SHANK2: variants seen among roughly 807,000 people sequenced by gnomAD.
The protein encoded by SHANK2 is SH3 and multiple ankyrin repeat domains protein 2.
Under a neutral mutation model 133.7 loss-of-function variants are expected in SHANK2, and 43 were observed. That is an observed-to-expected ratio of 0.32 (90% CI 0.25 to 0.41). The LOEUF (loss-of-function observed/expected upper bound fraction) is 0.41, where lower values mean the gene tolerates loss of function less well. SHANK2 is among the 10% of genes least tolerant of loss of function. The pLI, the probability that SHANK2 is intolerant of heterozygous loss-of-function variation, is 1.00. For missense variants in SHANK2, 1,994 were observed against 2,235.8 expected, an observed-to-expected ratio of 0.89 and a Z score of 2.18; for synonymous variants, 1,017 against 952.8, an observed-to-expected ratio of 1.07 and a Z score of -1.24.
At chr11:70,549,636 G>A (rs1554977347) in intron 17 of SHANK2, among the ~76,000 whole-genome samples, 1 of 152,178 alleles carries the variant, frequency 6.6e-6, no homozygotes, top group African/African-American at 2.4e-5. Context: ...CCCGGCCAGG[G>A]ACTGGGGAGC....
intron 12 of SHANK2, among the ~76,000 whole-genome samples, chr11:70,813,595 C>T (rs12271718): frequency 0.094 from 14,276 of 151,954 alleles, 860 homozygotes; most frequent in South Asian, 0.27. Context: ...TTACGGCTCA[C>T]GCAGAAGATG....
chr11:71,069,611 C>G (rs1412063490), intron 9 of SHANK2, among the ~76,000 whole-genome samples: 1 of 152,222 alleles, frequency 6.6e-6, no homozygotes, highest in Non-Finnish European at 1.5e-5. Context: ...TTTTTAGCCT[C>G]TTAGCAACCC....
intron 1 of SHANK2, among the ~76,000 whole-genome samples, chr11:71,232,843 G>A (rs1555123158): frequency 1.3e-5 from 2 of 152,176 alleles, no homozygotes; most frequent in African/African-American, 2.4e-5. Context: ...ACTTTTGACT[G>A]TGTGGGAGTT....
intron 15 of SHANK2, among the ~76,000 whole-genome samples, chr11:70,686,031 C>T (rs1252473083): frequency 7.5e-6 from 1 of 133,118 alleles, no homozygotes; most frequent in Non-Finnish European, 1.6e-5. Context: ...AGCCATGCCC[C>T]CACCCACCCA....
At chr11:70,670,240 G>C (rs1944770628) in intron 15 of SHANK2, among the ~76,000 whole-genome samples, 1 of 152,234 alleles carries the variant, frequency 6.6e-6, no homozygotes, top group Admixed American at 6.5e-5. Flanking sequence ...TTCAGTGGCA[G>C]GGCCTGGTGA....
chr11:70,927,945 C>T (rs782353319), intron 10 of SHANK2, among the ~76,000 whole-genome samples: 8 of 152,298 alleles, frequency 5.3e-5, no homozygotes, highest in Admixed American at 1.3e-4. Context: ...CTGGCATTTA[C>T]ACCACCAGCT....
chr11:70,737,942 C>T (rs1555033936), intron 14 of SHANK2, among the ~76,000 whole-genome samples: 1 of 152,246 alleles, frequency 6.6e-6, no homozygotes, highest in Non-Finnish European at 1.5e-5. Context: ...AGGTGCCCTA[C>T]GGTGAGCCGC....
intron 17 of SHANK2, among the ~76,000 whole-genome samples, chr11:70,539,514 G>GCCACGCTCACTCGCCACGCTCA (rs2059588714): frequency 1.3e-5 from 2 of 150,820 alleles, no homozygotes; most frequent in Non-Finnish European, 3.0e-5. Flanking sequence ...ACGCTCACTC[G>GCCACGCTCACTCGCCACGCTCA]CCACGCTCAC....
At chr11:70,576,667 C>A (rs531567049) in intron 17 of SHANK2, among the ~76,000 whole-genome samples, 4 of 152,104 alleles carry the variant, frequency 2.6e-5, no homozygotes, top group Admixed American at 2.6e-4. Context: ...AAAAACCCCA[C>A]ACTCCCAGGC....
Position 71,110,120 on chromosome 11 carries a change from C to T in SHANK2, c.484-71G>A, listed in dbSNP as rs570013374. On this transcript the variant is annotated intron_variant, in intron 5 of 25. Coordinates refer to ENST00000601538, the MANE Select transcript of SHANK2 (RefSeq NM_012309.5). ...CCCAACCTGAGCAACAAAGTGAGAC[C>T]CCGTCTCTACAAAAAATAGAAAAAT... The T allele has an allele frequency of 6.1e-6, 7 of 1,142,524 alleles. No homozygotes were observed. The African/African-American group carries it at 1.1e-4, about 18-fold the overall frequency. The allele number at this position is 1,142,524 out of a possible 1,614,324, so 70.8% of individuals were successfully genotyped here.
chr11:70,681,219 C>G (rs1339965410), intron 15 of SHANK2, among the ~76,000 whole-genome samples: 1 of 152,166 alleles, frequency 6.6e-6, no homozygotes, highest in African/African-American at 2.4e-5. Context: ...TGCTGCTCAG[C>G]GTGGGGTCCC....
chr11:71,238,427 T>G (rs1954849754), intron 1 of SHANK2, among the ~76,000 whole-genome samples: 1 of 152,194 alleles, frequency 6.6e-6, no homozygotes, highest in African/African-American at 2.4e-5. Context: ...GATATGTTAG[T>G]ACCCTCATTT....
chr11:70,856,909 C>T (rs1949180633), intron 11 of SHANK2, among the ~76,000 whole-genome samples: 3 of 152,218 alleles, frequency 2.0e-5, no homozygotes, highest in Admixed American at 2.0e-4. Context: ...TCTGGATACA[C>T]ACCAGATGGA....
intron 10 of SHANK2, among the ~76,000 whole-genome samples, chr11:70,898,039 T>G (rs1405108011): frequency 2.6e-5 from 4 of 151,240 alleles, no homozygotes; most frequent in Non-Finnish European, 4.4e-5. Flanking sequence ...CTTGGCTCAC[T>G]GCAATCTCTG....
At chr11:70,941,105 T>C (rs1353433132) in intron 10 of SHANK2, among the ~76,000 whole-genome samples, 1 of 152,196 alleles carries the variant, frequency 6.6e-6, no homozygotes, top group African/African-American at 2.4e-5. Context: ...CTCATAAGCT[T>C]GTCGGTAAAA....
intron 17 of SHANK2, among the ~76,000 whole-genome samples, chr11:70,600,387 C>A (rs1414184234): frequency 2.9e-5 from 4 of 135,952 alleles, no homozygotes; most frequent in Non-Finnish European, 6.1e-5. Flanking sequence ...CCACTGCACT[C>A]CAGCCTGGGT....
intron 11 of SHANK2, among the ~76,000 whole-genome samples, chr11:70,829,575 C>G (rs1404318461): frequency 5.3e-5 from 8 of 152,156 alleles, no homozygotes; most frequent in African/African-American, 1.9e-4. Flanking sequence ...CCAGCCAGAT[C>G]TGAAGACCCA....
At chr11:70,499,896 C>T (rs538307990) in intron 21 of SHANK2, among the ~76,000 whole-genome samples, 152 of 152,358 alleles carry the variant, frequency 1.0e-3, no homozygotes, top group Middle Eastern at 6.8e-3. Flanking sequence ...CTCCTCCCAA[C>T]TCCAAGGGAT....
At chr11:70,744,112 C>T (rs1282547035) in intron 14 of SHANK2, among the ~76,000 whole-genome samples, 4 of 152,238 alleles carry the variant, frequency 2.6e-5, no homozygotes, top group East Asian at 3.9e-4. Context: ...CAGGCCCCTG[C>T]CTCCTACCCA....
Sources: allele counts gnomAD v4.1 joint callset (sites outside exome capture counted in the v4.1 genomes callset), GRCh38; gene constraint gnomAD v4.1.1; transcripts MANE v1.5; gene names NCBI Gene and HGNC (gene_info 2026-07-23, HGNC 2026-07-21).